Variants in GUCY2C observed in about 807,000 individuals in gnomAD.
GUCY2C encodes the protein guanylate cyclase 2C, also known as guanylyl cyclase C.
Under a neutral mutation model 131.1 loss-of-function variants are expected in GUCY2C, and 118 were observed. The ratio of observed to expected loss-of-function variants is 0.90; its 90% confidence interval spans 0.78 to 1.05. GUCY2C has a LOEUF of 1.05. Ranked by LOEUF, GUCY2C falls within the 50% of genes least tolerant of loss-of-function variation. The probability of loss-of-function intolerance (pLI) is 0.00; values close to 1 mark genes in which losing one functional copy is unlikely to be tolerated. For missense variants in GUCY2C, 1,161 were observed against 1,304.4 expected, an observed-to-expected ratio of 0.89 and a Z score of 1.69; for synonymous variants, 452 against 457.8, an observed-to-expected ratio of 0.99 and a Z score of 0.16.
chr12:14,620,679 A>G (rs903437215), intron 23 of GUCY2C, among the ~76,000 whole-genome samples: 5 of 152,170 alleles, frequency 3.3e-5, no homozygotes, highest in Non-Finnish European at 5.9e-5. Context: ...TTAAGATACT[A>G]TAATATTTTA....
intron 10 of GUCY2C, among the ~76,000 whole-genome samples, chr12:14,665,103 C>T (rs1947949006): frequency 6.6e-6 from 1 of 151,526 alleles, no homozygotes; most frequent in African/African-American, 2.4e-5. Context: ...TCAGTTCCAG[C>T]TACTTGGAAG....
intron 11 of GUCY2C, among the ~76,000 whole-genome samples, chr12:14,657,886 A>G (rs566170938): frequency 1.3e-5 from 2 of 152,274 alleles, no homozygotes; most frequent in South Asian, 4.1e-4. Context: ...ATATCACCAA[A>G]TTGCTTCCCA....
chr12:14,641,560 T>A (rs1259149136), intron 17 of GUCY2C, among the ~76,000 whole-genome samples: 1 of 152,172 alleles, frequency 6.6e-6, no homozygotes, highest in Non-Finnish European at 1.5e-5. Context: ...AGTAAATATA[T>A]GTTGAATGAA....
intron 12 of GUCY2C, among the ~76,000 whole-genome samples, chr12:14,653,593 C>T (rs966789326): frequency 2.6e-5 from 4 of 152,318 alleles, no homozygotes; most frequent in Admixed American, 6.5e-5. Context: ...ACAAAACACA[C>T]GCACACACAT....
intron 15 of GUCY2C, among the ~76,000 whole-genome samples, chr12:14,645,937 G>A (rs538882953): frequency 1.3e-5 from 2 of 151,976 alleles, no homozygotes; most frequent in Non-Finnish European, 2.9e-5. Flanking sequence ...CGGGGTTCCA[G>A]CCATTCTCCT....
chr12:14,681,313 A>C (rs1249610967), intron 5 of GUCY2C, 43 bp downstream of exon 5: 1 of 1,585,432 alleles, frequency 6.3e-7, no homozygotes, highest in Non-Finnish European at 8.7e-7. Flanking sequence ...GGTAGTCATA[A>C]AGAAGAAGTT....
chr12:14,628,257 A>G (rs990302411), intron 20 of GUCY2C, among the ~76,000 whole-genome samples: 2 of 152,188 alleles, frequency 1.3e-5, no homozygotes, highest in African/African-American at 4.8e-5. Context: ...TGGAGATTTT[A>G]AGACTTTAAG....
At chr12:14,666,563 C>T (rs556845257) in intron 10 of GUCY2C, among the ~76,000 whole-genome samples, 1 of 152,160 alleles carries the variant, frequency 6.6e-6, no homozygotes, top group South Asian at 2.1e-4. Context: ...GGCGAAACCC[C>T]GTCTCTACTA....
chr12:14,643,238 GA>G (rs1312408811), intron 17 of GUCY2C, among the ~76,000 whole-genome samples: 1 of 152,086 alleles, frequency 6.6e-6, no homozygotes, highest in African/African-American at 2.4e-5. Flanking sequence ...CTCTATAAAG[GA>G]AAAAGCTTAA....
chr12:14,638,181 A>G lies in GUCY2C; in HGVS notation c.2157+1681T>C, dbSNP rs988154212. Among the ~76,000 whole-genome samples the G allele has an allele frequency of 1.1e-4, 16 of 152,354 alleles. 1 individual carries two copies. Among genetic ancestry groups the G allele is most frequent in the Admixed American group, 6.5e-4 (10 of 15,298 alleles). ...CCACAATGAGCTATCATCTTACCCC[A>G]GTTAGAATGGCTATTACTAAAAAGC... On this transcript the variant is annotated intron_variant, in intron 19 of 26. Coordinates refer to ENST00000261170, the MANE Select transcript of GUCY2C (RefSeq NM_004963.4).
At chr12:14,692,988 A>C (rs1329736830) in intron 1 of GUCY2C, among the ~76,000 whole-genome samples, 1 of 152,108 alleles carries the variant, frequency 6.6e-6, no homozygotes, top group Non-Finnish European at 1.5e-5. Flanking sequence ...GGTGGGGGTA[A>C]TGTCTTCCCT....
chr12:14,653,024 G>C lies in GUCY2C; in HGVS notation c.1471-10C>G. On this transcript the variant is annotated splice_polypyrimidine_tract_variant and intron_variant, in intron 12 of 26. Coordinates refer to ENST00000261170, the MANE Select transcript of GUCY2C (RefSeq NM_004963.4). ...TTTTGTCATCATCGATCTGGCACAA[G>C]AAAAGGCTAATTATTCCAGAAGCTC... 1 of 1,600,598 alleles carries C rather than the reference G, an allele frequency of 6.2e-7. No individual in the cohort carries two copies. The highest frequency in any genetic ancestry group is 2.2e-5 in the East Asian group (1 of 44,818).
chr12:14,663,140 A>T (rs1202687653), intron 10 of GUCY2C, among the ~76,000 whole-genome samples: 1 of 152,250 alleles, frequency 6.6e-6, no homozygotes, highest in African/African-American at 2.4e-5. Flanking sequence ...AAATCAAGAA[A>T]TAGAAGCATA....
At chr12:14,623,481 GTTCT>G (rs1946937362) in intron 21 of GUCY2C, among the ~76,000 whole-genome samples, 2 of 152,220 alleles carry the variant, frequency 1.3e-5, no homozygotes, top group African/African-American at 4.8e-5. Context: ...TGGAGTGGTT[GTTCT>G]TGACATGCCC....
At chr12:14,682,669 T>G (rs1279143437) in intron 4 of GUCY2C, among the ~76,000 whole-genome samples, 1 of 152,236 alleles carries the variant, frequency 6.6e-6, no homozygotes, top group Non-Finnish European at 1.5e-5. Flanking sequence ...ATACATGTTC[T>G]CTGGTATTGT....
At chr12:14,685,875 T>C (rs1948458397) in intron 3 of GUCY2C, among the ~76,000 whole-genome samples, 5 of 152,212 alleles carry the variant, frequency 3.3e-5, no homozygotes, top group Admixed American at 3.3e-4. Flanking sequence ...CCTCAAATTA[T>C]CCAATTTCAC....
chr12:14,670,780 A>C (rs986281461), intron 9 of GUCY2C, among the ~76,000 whole-genome samples: 1 of 151,552 alleles, frequency 6.6e-6, no homozygotes, highest in African/African-American at 2.4e-5. Context: ...AGGCCTCCCC[A>C]GCCTCGCTGG....
chr12:14,644,168 A>C (rs1318868577), intron 16 of GUCY2C, among the ~76,000 whole-genome samples: 1 of 149,096 alleles, frequency 6.7e-6, no homozygotes, highest in East Asian at 2.0e-4. Flanking sequence ...TTTTGAAGCA[A>C]TGTTTCATTC....
chr12:14,661,161 A>G (rs1947859678), intron 10 of GUCY2C, 99 bp from the exon 11 acceptor site: 5 of 737,972 alleles, frequency 6.8e-6, no homozygotes, highest in Non-Finnish European at 1.2e-5. Flanking sequence ...GGAAAAGAGA[A>G]CCCTTTAAAA....
Sources: gnomAD v4.1 joint callset for allele counts (sites outside exome capture counted in the v4.1 genomes callset) on GRCh38, gnomAD v4.1.1 for gene constraint, MANE v1.5 for transcripts, NCBI Gene and HGNC (gene_info 2026-07-23, HGNC 2026-07-21) for gene names.